Variants in WDFY3 observed in about 807,000 individuals in gnomAD.
WDFY3 encodes the protein WD repeat and FYVE domain containing 3.
Under a neutral mutation model 409.6 loss-of-function variants are expected in WDFY3, and 66 were observed. The observed-to-expected ratio is 0.16, with a 90% confidence interval of 0.13 to 0.20. WDFY3 has a LOEUF of 0.20. Ranked by LOEUF, WDFY3 falls within the 10% of genes least tolerant of loss-of-function variation. The pLI is 1.00. For synonymous variants in WDFY3, 1,521 were observed against 1,537.1 expected (o/e 0.99, Z 0.25); for missense variants, 3,031 against 4,298.1 (o/e 0.71, Z 8.24).
At chr4:84,877,194 C>G (rs1394514808) in intron 3 of WDFY3, among the ~76,000 whole-genome samples, 1 of 152,158 alleles carries the variant, frequency 6.6e-6, no homozygotes, top group Non-Finnish European at 1.5e-5. Flanking sequence ...TAACCACACC[C>G]GTCTACTGCA....
chr4:84,684,222 C>T (rs1204335810), intron 62 of WDFY3, 97 bp from the exon 63 acceptor site: 1 of 1,245,442 alleles, frequency 8.0e-7, no homozygotes, highest in Non-Finnish European at 1.1e-6. Flanking sequence ...TCTCAGAAAG[C>T]CTTTCAGTCC....
intron 24 of WDFY3, 54 bp downstream of exon 24, chr4:84,785,925 G>A: frequency 1.9e-6 from 3 of 1,593,194 alleles, no homozygotes; most frequent in Non-Finnish European, 1.7e-6. Context: ...GAGACTCTGA[G>A]ACATGTTCCC....
intron 2 of WDFY3, among the ~76,000 whole-genome samples, chr4:84,923,382 GC>G (rs966415889): frequency 6.6e-6 from 1 of 152,070 alleles, no homozygotes; most frequent in Non-Finnish European, 1.5e-5. Context: ...CCTAGCCCAA[GC>G]CCCCCCACCT....
intron 1 of WDFY3, among the ~76,000 whole-genome samples, chr4:84,934,224 C>T (rs1315102100): frequency 1.3e-5 from 2 of 151,992 alleles, no homozygotes; most frequent in Non-Finnish European, 2.9e-5. Flanking sequence ...TTTAATGGGA[C>T]GAGTTGATAC....
chr4:84,673,565 T>C (rs749506602), intron 67 of WDFY3, among the ~76,000 whole-genome samples: 1 of 152,220 alleles, frequency 6.6e-6, no homozygotes, highest in Non-Finnish European at 1.5e-5. Context: ...AATCATTTCT[T>C]AAACAGTTAG....
intron 1 of WDFY3, among the ~76,000 whole-genome samples, chr4:84,939,742 T>A (rs1475280268): frequency 1.3e-5 from 2 of 152,086 alleles, no homozygotes; most frequent in Non-Finnish European, 2.9e-5. Flanking sequence ...AAAGTTTCTA[T>A]TTTCTCGCAT....
At position 84,727,941 on chromosome 4, in the gene WDFY3, G is replaced by A. The variant is rs1261184310; in HGVS notation, c.7222-1030C>T. ...TCTTTATCTTGGTAGGGATTTAGAA[G>A]ATAAAAGTATAATGTATATATTTGT... On this transcript the variant is annotated intron_variant, in intron 44 of 67. Coordinates refer to ENST00000295888, the MANE Select transcript of WDFY3 (RefSeq NM_014991.6). 2.0e-5 allele frequency among the ~76,000 whole-genome samples: 3 copies of A among 151,752 alleles called. No homozygotes were observed. In the East Asian group the frequency reaches 5.8e-4, roughly 29 times the overall value.
chr4:84,805,715 T>C (rs922124804), intron 15 of WDFY3, among the ~76,000 whole-genome samples: 6 of 152,192 alleles, frequency 3.9e-5, no homozygotes, highest in African/African-American at 1.2e-4. Context: ...TCTGCTTTGC[T>C]TAACTTATCA....
intron 8 of WDFY3, among the ~76,000 whole-genome samples, 162 bp downstream of exon 8, chr4:84,831,251 A>G (rs1192537024): frequency 3.3e-5 from 5 of 152,052 alleles, no homozygotes; most frequent in African/African-American, 1.2e-4. Context: ...TACATTTGAA[A>G]TGCCCCACAG....
chr4:84,765,476 G>C (rs1743466795), intron 32 of WDFY3, among the ~76,000 whole-genome samples: 1 of 152,102 alleles, frequency 6.6e-6, no homozygotes, highest in South Asian at 2.1e-4. Flanking sequence ...CACACAGTAA[G>C]TACTCAAAAT....
At chr4:84,957,649 G>A (rs905187166) in intron 1 of WDFY3, among the ~76,000 whole-genome samples, 2 of 152,154 alleles carry the variant, frequency 1.3e-5, no homozygotes, top group African/African-American at 4.8e-5. Flanking sequence ...TCCCTGAAAG[G>A]TCCGTGGTAA....
intron 26 of WDFY3, 21 bp downstream of exon 26, chr4:84,780,087 C>A: frequency 1.3e-6 from 2 of 1,531,524 alleles, no homozygotes; most frequent in African/African-American, 1.4e-5. Flanking sequence ...GAAGTGAAGG[C>A]AAAGTTTTAC....
chr4:84,727,365 T>A (rs1377380416), intron 44 of WDFY3, among the ~76,000 whole-genome samples: 1 of 152,154 alleles, frequency 6.6e-6, no homozygotes, highest in Non-Finnish European at 1.5e-5. Context: ...AAACGGCTGA[T>A]TTAAGCTATC....
intron 3 of WDFY3, among the ~76,000 whole-genome samples, chr4:84,881,652 C>T (rs113068070): frequency 3.3e-5 from 5 of 151,704 alleles, no homozygotes; most frequent in African/African-American, 9.7e-5. Context: ...TTTGGGAGGG[C>T]GAGGCAAGCT....
intron 1 of WDFY3, among the ~76,000 whole-genome samples, chr4:84,938,512 A>G (rs1286625821): frequency 6.6e-6 from 1 of 152,198 alleles, no homozygotes; most frequent in Admixed American, 6.5e-5. Flanking sequence ...ATATTTAACA[A>G]TGGTTGGCAT....
intron 6 of WDFY3, 32 bp from the exon 7 acceptor site, chr4:84,837,122 A>G: frequency 6.9e-7 from 1 of 1,451,154 alleles, no homozygotes; most frequent in South Asian, 1.7e-5. Flanking sequence ...AAGTGAATAG[A>G]TAGACACAAC....
intron 53 of WDFY3, among the ~76,000 whole-genome samples, chr4:84,706,880 A>G (rs527547315): frequency 4.6e-5 from 7 of 151,224 alleles, no homozygotes; most frequent in Admixed American, 4.6e-4. Context: ...AGGTTTTTCA[A>G]CTCTCTCCCA....
intron 1 of WDFY3, among the ~76,000 whole-genome samples, chr4:84,963,184 G>C (rs542577105): frequency 2.0e-5 from 3 of 151,766 alleles, no homozygotes; most frequent in African/African-American, 7.3e-5. Context: ...AGCATTTTGG[G>C]AGACAGAGGC....
chr4:84,883,607 G>C (rs1198563492), intron 3 of WDFY3, among the ~76,000 whole-genome samples: 2 of 152,102 alleles, frequency 1.3e-5, no homozygotes, highest in Admixed American at 1.3e-4. Flanking sequence ...CAATCTAAAA[G>C]AGTAATGCCT....
Sources: allele counts gnomAD v4.1 joint callset (sites outside exome capture counted in the v4.1 genomes callset), GRCh38; gene constraint gnomAD v4.1.1; transcripts MANE v1.5; gene names NCBI Gene and HGNC (gene_info 2026-07-23, HGNC 2026-07-21).